SMAP2: variants seen among roughly 807,000 people sequenced by gnomAD.
SMAP2 encodes small ArfGAP2.
Under a neutral mutation model 56.4 loss-of-function variants are expected in SMAP2, and 25 were observed. That is an observed-to-expected ratio of 0.44 (90% confidence interval 0.32 to 0.62). The LOEUF (loss-of-function observed/expected upper bound fraction) is 0.62, where lower values mean the gene tolerates loss of function less well. Ranked by LOEUF, SMAP2 falls within the 20% of genes least tolerant of loss-of-function variation. The pLI, the probability that SMAP2 is intolerant of heterozygous loss-of-function variation, is 0.04. For missense variants in SMAP2, 388 were observed against 545.6 expected (o/e 0.71, Z 2.88); for synonymous variants, 157 against 181.7 (o/e 0.86, Z 1.09).
Position 40,411,425 on chromosome 1 carries a change from G to A in SMAP2, c.402+1590G>A, listed in dbSNP as rs1644934791. The stretch of plus-strand genomic sequence containing the variant: ...GGGTATCTGAGATAATTCAGATGAC[G>A]AAGGAGTAGAGTTGCTATTTGTACA... On this transcript the variant is annotated intron_variant, in intron 4 of 9. Coordinates refer to ENST00000372718, the MANE Select transcript of SMAP2 (RefSeq NM_022733.3). Among the ~76,000 whole-genome samples the A allele has an allele frequency of 2.6e-5, 4 of 152,306 alleles. 1 individual carries two copies. The South Asian group carries it at 8.3e-4, about 32-fold the overall frequency.
rs1411843436 is a variant in SMAP2 at position 40,417,045 on chromosome 1, G to C, written c.1113G>C (p.Gln371His). 2.5e-6 allele frequency: 4 copies of C among 1,613,826 alleles called. No homozygotes were observed. The highest frequency in any genetic ancestry group is 3.4e-6 in the Non-Finnish European group (4 of 1,179,812). ...TGGCAGGCATGGCAGCTATGCCCCAGACTGTGTATGGGGTCCAGCCAGCTC... is the reference window on the plus strand; with the variant it reads ...TGGCAGGCATGGCAGCTATGCCCCACACTGTGTATGGGGTCCAGCCAGCTC... ...GYMAGMAAMPQTVYGVQPAQQ... is the reference protein window; with the variant it reads ...GYMAGMAAMPHTVYGVQPAQQ... The change falls in exon 9 of 10, where the codon CAG becomes CAC. Residue 371 changes from glutamine to histidine, a missense_variant. By Grantham distance (24) the Gln-to-His change is conservative. Transcript: ENST00000372718.
At chr1:40,351,446 A>T (rs1247475272) in intron 1 of SMAP2, among the ~76,000 whole-genome samples, 1 of 152,184 alleles carries the variant, frequency 6.6e-6, no homozygotes, top group Non-Finnish European at 1.5e-5. Context: ...CTGGTGATGA[A>T]TACAGAATAC....
intron 1 of SMAP2, among the ~76,000 whole-genome samples, chr1:40,376,650 C>T (rs1234991071): frequency 5.3e-5 from 8 of 152,138 alleles, no homozygotes; most frequent in African/African-American, 9.7e-5. Context: ...AAGGAAAAGA[C>T]GTTTGGATCA....
rs1644518579 is a variant in SMAP2, at chr1:40,374,145, G to A, written c.25G>A (p.Val9Met). ...CATGACAGGCAAGTCGGTGAAGGAC[G>A]TGGATCGGTACCAGGCTGTCCTGGC... MTGKSVKD[V>M]DRYQAVLANL... Residue 9 changes from valine to methionine, a missense_variant, in exon 1 of 10, where the codon GTG (valine) becomes ATG (methionine). By Grantham distance (21) the Val-to-Met change is conservative. Coordinates refer to ENST00000372718, the MANE Select transcript of SMAP2 (RefSeq NM_022733.3). This position sits in a 1 kb window ranked among gnomAD's most constrained non-coding sequence, Gnocchi z 5.9. The A allele has an allele frequency of 6.2e-7, 1 of 1,613,538 alleles. No homozygotes were observed. Among genetic ancestry groups the A allele is most frequent in the Non-Finnish European group, 8.5e-7 (1 of 1,179,760 alleles).
intron 9 of SMAP2, among the ~76,000 whole-genome samples, chr1:40,421,584 G>A (rs554765724): frequency 1.3e-5 from 2 of 152,292 alleles, no homozygotes; most frequent in African/African-American, 4.8e-5. Context: ...TGCTGAAGAT[G>A]AGGCGGGAGC....
intron 4 of SMAP2, among the ~76,000 whole-genome samples, chr1:40,412,633 A>G (rs979032965): frequency 2.6e-5 from 4 of 152,342 alleles, no homozygotes; most frequent in Admixed American, 6.5e-5. Flanking sequence ...GCTGAGTAAG[A>G]TGAACTTATT....
intron 1 of SMAP2, among the ~76,000 whole-genome samples, chr1:40,396,192 G>A (rs74071006): frequency 0.012 from 1,823 of 152,280 alleles, 30 homozygotes; most frequent in African/African-American, 0.041. Flanking sequence ...GGAGTAAAAA[G>A]CAGCACCAGG....
intron 3 of SMAP2, 93 bp from the exon 4 acceptor site, chr1:40,409,664 G>C (rs1443034510): frequency 1.2e-6 from 1 of 861,968 alleles, no homozygotes; most frequent in African/African-American, 1.7e-5. Context: ...AAGAGGGAAG[G>C]AGGAGAACAA....
intron 1 of SMAP2, among the ~76,000 whole-genome samples, chr1:40,399,457 G>C (rs962686035): frequency 6.6e-6 from 1 of 150,476 alleles, no homozygotes; most frequent in East Asian, 1.9e-4. Context: ...ACCGTGCCTG[G>C]CCCATTTCTT....
At chr1:40,379,199 T>TG (rs891649685) in intron 1 of SMAP2, among the ~76,000 whole-genome samples, 1 of 152,126 alleles carries the variant, frequency 6.6e-6, no homozygotes, top group African/African-American at 2.4e-5. Context: ...CTCGAACTCC[T>TG]GGCCTCGGGT....
intron 1 of SMAP2, among the ~76,000 whole-genome samples, chr1:40,346,103 C>T (rs945910030): frequency 5.5e-4 from 82 of 149,280 alleles, no homozygotes; most frequent in African/African-American, 1.9e-3. Flanking sequence ...TGAGTCACTG[C>T]ACCCAGCCAC....
intron 4 of SMAP2, 48 bp downstream of exon 4, chr1:40,409,883 A>T (rs201075963): frequency 3.2e-6 from 4 of 1,232,340 alleles, no homozygotes; most frequent in Non-Finnish European, 4.8e-6. Context: ...TAATGTGCTT[A>T]TTAAATCAGG....
chr1:40,390,145 G>A (rs1644702907), intron 1 of SMAP2, among the ~76,000 whole-genome samples: 1 of 152,188 alleles, frequency 6.6e-6, no homozygotes. Context: ...AGCCAGGGCT[G>A]TTTTGATGAC....
chr1:40,400,759 A>G (rs1238631779), intron 1 of SMAP2, among the ~76,000 whole-genome samples: 1 of 152,222 alleles, frequency 6.6e-6, no homozygotes, highest in African/African-American at 2.4e-5. Context: ...ATGAGACTAC[A>G]TGGAAGGTTT....
At chr1:40,393,927 T>A (rs902992705) in intron 1 of SMAP2, among the ~76,000 whole-genome samples, 1 of 152,086 alleles carries the variant, frequency 6.6e-6, no homozygotes, top group African/African-American at 2.4e-5. Flanking sequence ...ATCTAAATGG[T>A]CTCCATTTTC....
chr1:40,365,614 T>C (rs575819515), intron 2 of SMAP2, among the ~76,000 whole-genome samples: 1 of 152,288 alleles, frequency 6.6e-6, no homozygotes, highest in African/African-American at 2.4e-5. Flanking sequence ...ATTTCTGCAT[T>C]TCCATCTGAG....
rs1028480797 is a variant in SMAP2, at chr1:40,385,798, T to C, written c.103+11575T>C. Among the ~76,000 whole-genome samples, 9 of 152,260 alleles carry C rather than the reference T, an allele frequency of 5.9e-5. No homozygotes were observed. The highest frequency in any genetic ancestry group is 9.6e-5 in the African/African-American group (4 of 41,478). On this transcript the variant is annotated intron_variant, in intron 1 of 9. Coordinates refer to ENST00000372718, the MANE Select transcript of SMAP2 (RefSeq NM_022733.3). This position sits in a 1 kb window ranked among gnomAD's most constrained non-coding sequence, Gnocchi z 4.5. ...GTTAATCCTACAATGTTATTTCACC[T>C]CAGTGGTCTGAAGTGCGCACACAGT...
intron 1 of SMAP2, among the ~76,000 whole-genome samples, chr1:40,377,211 C>G (rs908365346): frequency 2.0e-5 from 3 of 152,172 alleles, no homozygotes; most frequent in African/African-American, 7.2e-5. Context: ...ACCTGGGCAA[C>G]TGAGCCCAGG....
intron 1 of SMAP2, among the ~76,000 whole-genome samples, chr1:40,401,780 C>T (rs1221057450): frequency 6.6e-6 from 1 of 152,176 alleles, no homozygotes; most frequent in African/African-American, 2.4e-5. Context: ...GACATAAGCC[C>T]TAGAGAAACT....
Sources: gnomAD v4.1 joint callset for allele counts (sites outside exome capture counted in the v4.1 genomes callset) on GRCh38, gnomAD v4.1.1 for gene constraint, Gnocchi (gnomAD v3.1) non-coding constraint, MANE v1.5 for transcripts, NCBI Gene and HGNC (gene_info 2026-07-23, HGNC 2026-07-21) for gene names.